Variants in SMOX observed in about 807,000 individuals in gnomAD.
SMOX encodes spermine oxidase, also known as flavin containing amine oxidase.
A neutral mutation model predicts 51.0 loss-of-function variants in SMOX; 22 were observed. The observed-to-expected ratio is 0.43, with a 90% CI of 0.31 to 0.62. SMOX has a LOEUF of 0.62. SMOX is among the 20% of genes least tolerant of loss of function. SMOX has a pLI of 0.10. For missense variants in SMOX, 566 were observed against 777.7 expected (o/e 0.73, Z 3.24); for synonymous variants, 282 against 307.8 (o/e 0.92, Z 0.88).
intron 6 of SMOX, among the ~76,000 whole-genome samples, chr20:4,186,561 T>C (rs1979750930): frequency 1.3e-5 from 2 of 152,208 alleles, no homozygotes; most frequent in South Asian, 4.1e-4. Context: ...AAATGTCCTT[T>C]GCCTGTCCGT....
rs1203449029 is a variant in SMOX at position 4,182,646 on chromosome 20, G to A, written c.1167G>A (p.Glu389=). 1.2e-6 allele frequency: 2 copies of A among 1,614,116 alleles called. No individual in the cohort carries two copies. The highest frequency in any genetic ancestry group is 3.3e-5 in the Admixed American group (2 of 60,018). The part of the protein sequence containing the change: ...PECNSLQFVW[E]DEAESHTLTY... ...GCAACAGCCTACAGTTTGTGTGGGAGGACGAAGCAGAGAGCCACACCCTCA... is the reference window on the plus strand; with the variant it reads ...GCAACAGCCTACAGTTTGTGTGGGAAGACGAAGCAGAGAGCCACACCCTCA... The change falls in exon 5 of 7, where the codon GAG becomes GAA. Residue 389 remains glutamate, a synonymous_variant. Transcript: ENST00000305958. The surrounding 1 kb of genome is among the most constrained non-coding windows in gnomAD (Gnocchi z 8.4).
chr20:4,182,807 C>T lies in SMOX; in HGVS notation c.1328C>T (p.Ala443Val). 6.2e-7 allele frequency: 1 copy of T among 1,610,198 alleles called. No homozygotes were observed. Residue 443 changes from alanine (A) to valine (V), a missense_variant, in exon 5 of 7, where the codon GCA (alanine) becomes GTA (valine). Physicochemically the swap from Ala to Val is moderately conservative, Grantham distance 64. Transcript: ENST00000305958. This position sits in a 1 kb window ranked among gnomAD's most constrained non-coding sequence, Gnocchi z 8.4. ...ALVMEKCDDE[A>V]VAEICTEMLR... ...GTCATGGAGAAGTGTGATGACGAGGCAGTGGCCGAGATCTGCACGGAGATG... is the reference window on the plus strand; with the variant it reads ...GTCATGGAGAAGTGTGATGACGAGGTAGTGGCCGAGATCTGCACGGAGATG...
chr20:4,174,454 C>G (rs1394384305), intron 1 of SMOX, among the ~76,000 whole-genome samples: 1 of 151,478 alleles, frequency 6.6e-6, no homozygotes, highest in African/African-American at 2.4e-5. Flanking sequence ...GTGTGAGTAT[C>G]CTGGGGGGTC....
At position 4,167,640 on chromosome 20, in the gene SMOX, C is replaced by A. The variant is rs1343707537; in HGVS notation, c.-26-7390C>A. On this transcript the variant is annotated intron_variant, in intron 1 of 6. Coordinates refer to ENST00000305958, the MANE Select transcript of SMOX (RefSeq NM_175839.3). This position sits in a 1 kb window ranked among gnomAD's most constrained non-coding sequence, Gnocchi z 4.8. ...AGACACTGGCCCAGGGGTCACCTGGCAAGGTAGAGATTGAGCTGGGGCCTG... is the reference window on the plus strand; with the variant it reads ...AGACACTGGCCCAGGGGTCACCTGGAAAGGTAGAGATTGAGCTGGGGCCTG... 2.6e-5 allele frequency among the ~76,000 whole-genome samples: 4 copies of A among 152,078 alleles called. No individual in the cohort carries two copies. Among genetic ancestry groups the A allele is most frequent in the African/African-American group, 9.7e-5 (4 of 41,408 alleles).
chr20:4,157,910 A>AT (rs1029966561), intron 1 of SMOX, among the ~76,000 whole-genome samples: 14 of 151,164 alleles, frequency 9.3e-5, no homozygotes, highest in Admixed American at 1.3e-4. Flanking sequence ...TTTATTTTTT[A>AT]TTTTTTTTGA....
At position 4,187,262 on chromosome 20, in the gene SMOX, C is replaced by T. The variant is rs753037435; in HGVS notation, c.1531-8C>T. On this transcript the variant is annotated splice_region_variant and splice_polypyrimidine_tract_variant and intron_variant, in intron 6 of 6. Transcript: ENST00000305958. This position sits in a 1 kb window ranked among gnomAD's most constrained non-coding sequence, Gnocchi z 4.8. ...CTCCACCCTGACCTCCCCATCCCCGCCCCGCAGCCCATGCAGGTGCTGTTT... is the reference window on the plus strand; with the variant it reads ...CTCCACCCTGACCTCCCCATCCCCGTCCCGCAGCCCATGCAGGTGCTGTTT... The T allele has an allele frequency of 9.3e-6, 15 of 1,611,104 alleles. 1 individual carries two copies. In the South Asian group the frequency reaches 1.7e-4, roughly 18 times the overall value.
chr20:4,177,647 G>A lies in SMOX; in HGVS notation c.435+70G>A, dbSNP rs960229676. 6.4e-6 allele frequency: 9 copies of A among 1,401,704 alleles called. No individual in the cohort carries two copies. The highest frequency in any genetic ancestry group is 8.8e-6 in the Non-Finnish European group (9 of 1,021,076). The allele number at this position is 1,401,704 out of a possible 1,614,324, so 86.8% of individuals were successfully genotyped here. A position where few individuals can be genotyped will look rare whatever the true frequency, so the allele number is the denominator to read the frequency against. On this transcript the variant is annotated intron_variant, in intron 3 of 6. Coordinates refer to ENST00000305958, the MANE Select transcript of SMOX (RefSeq NM_175839.3). The surrounding 1 kb of genome is among the most constrained non-coding windows in gnomAD (Gnocchi z 4.3). Reference sequence around the variant, plus strand: ...CTGGGAGGTCTGTGATTCTGGTCGTGTCTCTGCACACTCCCTGGGCCTTGC... The same window carrying A: ...CTGGGAGGTCTGTGATTCTGGTCGTATCTCTGCACACTCCCTGGGCCTTGC...
At chr20:4,161,382 GGCTTA>G (rs1484274728) in intron 1 of SMOX, among the ~76,000 whole-genome samples, 1 of 152,178 alleles carries the variant, frequency 6.6e-6, no homozygotes, top group Non-Finnish European at 1.5e-5. Flanking sequence ...GAGAGAACTG[GGCTTA>G]ATAATCAGAC....
chr20:4,176,261 A>T (rs1345080244), intron 2 of SMOX: 2 of 152,028 alleles, frequency 1.3e-5, no homozygotes, highest in African/African-American at 4.8e-5. Context: ...ACCTCAGGTG[A>T]TCCACCTGCC....
intron 3 of SMOX, among the ~76,000 whole-genome samples, chr20:4,178,258 C>T (rs1023729320): frequency 1.3e-5 from 2 of 152,104 alleles, no homozygotes; most frequent in Non-Finnish European, 2.9e-5. Flanking sequence ...AGGTTGGTCT[C>T]GAACTCCTGA....
At chr20:4,176,753 C>T (rs1463773809) in intron 2 of SMOX, among the ~76,000 whole-genome samples, 1 of 152,168 alleles carries the variant, frequency 6.6e-6, no homozygotes, top group Non-Finnish European at 1.5e-5. Context: ...CGAGATGTCC[C>T]CTGCCCCAGT....
In SMOX at chr20:4,175,071, T is replaced by A. The variant is rs759132180; in HGVS notation, c.16T>A (p.Ser6Thr). ...CGCGGACGGTATGCAAAGTTGTGAA[T>A]CCAGTGGTGACAGTGCGGATGACCC... MQSCE[S>T]SGDSADDPLS... Residue 6 changes from serine to threonine, a missense_variant, in exon 2 of 7, where the codon TCC (serine) becomes ACC (threonine). Physicochemically the swap from Ser to Thr is moderately conservative, Grantham distance 58. Coordinates refer to ENST00000305958, the MANE Select transcript of SMOX (RefSeq NM_175839.3). 1 of 1,614,162 alleles carries A rather than the reference T, an allele frequency of 6.2e-7. No individual in the cohort carries two copies. Among genetic ancestry groups the A allele is most frequent in the Non-Finnish European group, 8.5e-7 (1 of 1,180,042 alleles).
In SMOX at chr20:4,177,111, A is replaced by G. The variant is rs1336663088; in HGVS notation, c.209-240A>G. 6.6e-6 allele frequency among the ~76,000 whole-genome samples: 1 copy of G among 152,168 alleles called. No individual in the cohort carries two copies. On this transcript the variant is annotated intron_variant, in intron 2 of 6. Coordinates refer to ENST00000305958, the MANE Select transcript of SMOX (RefSeq NM_175839.3). The surrounding 1 kb of genome is among the most constrained non-coding windows in gnomAD (Gnocchi z 4.3). ...AGAAGAGCCTTCTAACTGGTCCAGT[A>G]AGGCCACTCTGGGACAAATCACAGA...
intron 1 of SMOX, among the ~76,000 whole-genome samples, chr20:4,169,120 T>A (rs1319431266): frequency 1.3e-5 from 2 of 152,004 alleles, no homozygotes; most frequent in African/African-American, 4.8e-5. Flanking sequence ...GCTAATTTTT[T>A]AATTTTTATT....
In SMOX at chr20:4,172,747, TGGC is replaced by T. The variant is rs1978508560; in HGVS notation, c.-26-2280_-26-2278del. ...TTTGGGAACCGATTCTGCACGGAGT[TGGC>T]GGGCCTGGGTCTCAGGGGGACTTGG... On this transcript the variant is annotated intron_variant, in intron 1 of 6. Coordinates refer to ENST00000305958, the MANE Select transcript of SMOX (RefSeq NM_175839.3). The surrounding 1 kb of genome is among the most constrained non-coding windows in gnomAD (Gnocchi z 7.7). Among the ~76,000 whole-genome samples the T allele has an allele frequency of 7.3e-6, 1 of 137,166 alleles. No homozygotes were observed. The highest frequency in any genetic ancestry group is 1.6e-5 in the Non-Finnish European group (1 of 64,330). The allele number at this position is 137,166 out of a possible 152,430, so 90.0% of individuals were successfully genotyped here.
rs1461153046 is a variant in SMOX at position 4,177,657 on chromosome 20, A to G, written c.435+80A>G. 2.3e-5 allele frequency: 30 copies of G among 1,324,634 alleles called. No individual in the cohort carries two copies. The highest frequency in any genetic ancestry group is 3.1e-5 in the Non-Finnish European group (30 of 954,522). 82.1% of individuals were successfully genotyped at this position (1,324,634 alleles called of 1,614,324 possible). On this transcript the variant is annotated intron_variant, in intron 3 of 6. Transcript: ENST00000305958. This position sits in a 1 kb window ranked among gnomAD's most constrained non-coding sequence, Gnocchi z 4.3. Reference sequence around the variant, plus strand: ...TGTGATTCTGGTCGTGTCTCTGCACACTCCCTGGGCCTTGCATTTGGAAAA... The same window carrying G: ...TGTGATTCTGGTCGTGTCTCTGCACGCTCCCTGGGCCTTGCATTTGGAAAA...
Position 4,183,944 on chromosome 20 carries a change from A to G in SMOX, c.1530+290A>G, listed in dbSNP as rs372168495. ...TAGCTATCAGCCACTTTCAATTTAAATTAATTTATTAAAAATTTAAATTAA... is the reference window on the plus strand; with the variant it reads ...TAGCTATCAGCCACTTTCAATTTAAGTTAATTTATTAAAAATTTAAATTAA... On this transcript the variant is annotated intron_variant, in intron 6 of 6. Transcript: ENST00000305958. The surrounding 1 kb of genome is among the most constrained non-coding windows in gnomAD (Gnocchi z 4.3). 6.6e-6 allele frequency among the ~76,000 whole-genome samples: 1 copy of G among 152,122 alleles called. No homozygotes were observed.
chr20:4,158,173 G>T (rs139119810), intron 1 of SMOX, among the ~76,000 whole-genome samples: 2,786 of 152,158 alleles, frequency 0.018, 48 homozygotes, highest in Middle Eastern at 0.058. Context: ...GTGCTGGGAT[G>T]ACAGGTGTGA....
In SMOX at chr20:4,182,866, C is replaced by T. The variant is rs45449404; in HGVS notation, c.1369+18C>T. On this transcript the variant is annotated intron_variant, in intron 5 of 6. Transcript: ENST00000305958. This position sits in a 1 kb window ranked among gnomAD's most constrained non-coding sequence, Gnocchi z 8.4. ...GTTCACAGGTGCGCCACGTGCCCCACGACCCGCTTCCCCCACCCTGCTTCT... is the reference window on the plus strand; with the variant it reads ...GTTCACAGGTGCGCCACGTGCCCCATGACCCGCTTCCCCCACCCTGCTTCT... 28,756 of 1,589,622 alleles carry T rather than the reference C, an allele frequency of 0.018. 325 individuals carry two copies. The highest frequency in any genetic ancestry group is 0.022 in the Non-Finnish European group (25,907 of 1,172,612).
Sources: allele counts gnomAD v4.1 joint callset (sites outside exome capture counted in the v4.1 genomes callset), GRCh38; gene constraint gnomAD v4.1.1; non-coding constraint Gnocchi (gnomAD v3.1); transcripts MANE v1.5; gene names NCBI Gene and HGNC (gene_info 2026-07-23, HGNC 2026-07-21).